Variants in SLC16A10 observed in about 807,000 individuals in gnomAD.
SLC16A10 encodes the protein monocarboxylate transporter 10.
In SLC16A10, 27 loss-of-function variants were observed where a neutral mutation model predicts 40.0. The ratio of observed to expected loss-of-function variants is 0.67; its 90% CI spans 0.50 to 0.93. The LOEUF is 0.93. Ranked by LOEUF, SLC16A10 falls within the 40% of genes least tolerant of loss-of-function variation. The probability of loss-of-function intolerance (pLI) is 0.00; values close to 1 mark genes in which losing one functional copy is unlikely to be tolerated. For missense variants in SLC16A10, 529 were observed against 658.2 expected (o/e 0.80, Z 2.15); for synonymous variants, 213 against 249.8 (o/e 0.85, Z 1.39).
At chr6:111,112,839 C>T (rs1771414088) in intron 1 of SLC16A10, among the ~76,000 whole-genome samples, 3 of 152,144 alleles carry the variant, frequency 2.0e-5, no homozygotes, top group South Asian at 4.1e-4. Context: ...ATTAGGATAA[C>T]TTGACAGGAA....
chr6:111,219,924 A>G (rs1459180894), intron 5 of SLC16A10, among the ~76,000 whole-genome samples: 1 of 151,894 alleles, frequency 6.6e-6, no homozygotes, highest in African/African-American at 2.4e-5. Context: ...TACTAAAAAT[A>G]AAAAAAATTA....
At chr6:111,111,567 TAAAAAA>T (rs1771386506) in intron 1 of SLC16A10, among the ~76,000 whole-genome samples, 1 of 152,264 alleles carries the variant, frequency 6.6e-6, no homozygotes, top group South Asian at 2.1e-4. Flanking sequence ...CAAAAAATAA[TAAAAAA>T]GAATGCAATA....
At chr6:111,203,719 CAAATAAATAAAT>C (rs60881476) in intron 3 of SLC16A10, among the ~76,000 whole-genome samples, 28 of 138,080 alleles carry the variant, frequency 2.0e-4, no homozygotes, top group African/African-American at 7.0e-4. Context: ...AACCCCATCT[CAAATAAATAAAT>C]AAATAAATAA....
intron 1 of SLC16A10, among the ~76,000 whole-genome samples, chr6:111,170,079 G>A (rs975052602): frequency 6.6e-6 from 1 of 151,758 alleles, no homozygotes; most frequent in African/African-American, 2.4e-5. Flanking sequence ...CAACACGGGC[G>A]GCTAATTTTT....
At chr6:111,202,884 CAAAAAAAAAAAAAAAAAAAAAAA>C (rs567667458) in intron 3 of SLC16A10, among the ~76,000 whole-genome samples, 7 of 86,310 alleles carry the variant, frequency 8.1e-5, no homozygotes, top group Admixed American at 2.6e-4. Flanking sequence ...GAGACTCCAT[CAAAAAAAAAAAAAAAAAAAAAAA>C]AAAAAAAAAA....
Position 111,225,120 on chromosome 6 carries a change from T to C in SLC16A10, c.*2885T>C, listed in dbSNP as rs1047424048. The C allele has an allele frequency of 1.3e-5, 2 of 152,214 alleles. No individual in the cohort carries two copies. Among genetic ancestry groups the C allele is most frequent in the Admixed American group, 6.5e-5 (1 of 15,276 alleles). 9.4% of individuals were successfully genotyped at this position (152,214 alleles called of 1,614,324 possible). On this transcript the variant is annotated 3_prime_UTR_variant, in exon 6 of 6. Transcript: ENST00000368851. ...ATGGATATTGCTGGGATCCATCCAT[T>C]TAAGCAGTAATATACCACCCAGATT...
chr6:111,206,107 C>T (rs1294846569), intron 3 of SLC16A10, among the ~76,000 whole-genome samples: 4 of 149,162 alleles, frequency 2.7e-5, no homozygotes, highest in African/African-American at 9.9e-5. Flanking sequence ...GAGACGGAGT[C>T]TTGCTCTGTC....
At chr6:111,091,813 T>A (rs1208740971) in intron 1 of SLC16A10, among the ~76,000 whole-genome samples, 2 of 152,244 alleles carry the variant, frequency 1.3e-5, no homozygotes, top group Admixed American at 1.3e-4. Context: ...CACATCTTAC[T>A]GTTAATTCTC....
At chr6:111,175,871 G>T (rs549897576) in intron 2 of SLC16A10, among the ~76,000 whole-genome samples, 38 of 151,448 alleles carry the variant, frequency 2.5e-4, no homozygotes, top group Non-Finnish European at 4.7e-4. Context: ...GCTAATTTCA[G>T]CTATTTTTTT....
intron 3 of SLC16A10, among the ~76,000 whole-genome samples, chr6:111,193,105 G>T (rs955539179): frequency 1.3e-5 from 2 of 152,050 alleles, no homozygotes; most frequent in African/African-American, 4.8e-5. Context: ...CTCCCACATG[G>T]CCTCCCAAAG....
chr6:111,103,424 G>A (rs1236292963), intron 1 of SLC16A10, among the ~76,000 whole-genome samples: 6 of 151,856 alleles, frequency 4.0e-5, no homozygotes, highest in Admixed American at 6.6e-5. Flanking sequence ...CACCATGTTG[G>A]TCAGGTGGGT....
At chr6:111,105,168 A>T (rs1164491746) in intron 1 of SLC16A10, among the ~76,000 whole-genome samples, 1 of 152,084 alleles carries the variant, frequency 6.6e-6, no homozygotes, top group African/African-American at 2.4e-5. Flanking sequence ...AGACCAAGAG[A>T]CTGTGAGAAT....
chr6:111,097,510 C>T (rs150744454), intron 1 of SLC16A10, among the ~76,000 whole-genome samples: 205 of 151,946 alleles, frequency 1.3e-3, no homozygotes, highest in Non-Finnish European at 2.2e-3. Context: ...GGTAGGGTTT[C>T]GCCATGTTGG....
At chr6:111,170,476 C>T (rs1772564726) in intron 1 of SLC16A10, among the ~76,000 whole-genome samples, 1 of 152,200 alleles carries the variant, frequency 6.6e-6, no homozygotes, top group Non-Finnish European at 1.5e-5. Flanking sequence ...GAGAAAGCGT[C>T]TCGCTCAGCT....
At chr6:111,193,501 A>G (rs1773030750) in intron 3 of SLC16A10, among the ~76,000 whole-genome samples, 1 of 152,204 alleles carries the variant, frequency 6.6e-6, no homozygotes, top group East Asian at 1.9e-4. Flanking sequence ...TCTTTTCAAA[A>G]TATAATATAC....
At chr6:111,173,928 A>T (rs1336406602) in intron 2 of SLC16A10, among the ~76,000 whole-genome samples, 1 of 152,220 alleles carries the variant, frequency 6.6e-6, no homozygotes, top group Non-Finnish European at 1.5e-5. Context: ...ATTCTTCCTG[A>T]AACTGGTCTC....
chr6:111,096,496 A>G (rs1771077131), intron 1 of SLC16A10, among the ~76,000 whole-genome samples: 1 of 152,192 alleles, frequency 6.6e-6, no homozygotes, highest in South Asian at 2.1e-4. Flanking sequence ...GACCCACCAC[A>G]TAAGACAGAT....
chr6:111,143,067 A>G (rs952110526), intron 1 of SLC16A10, among the ~76,000 whole-genome samples: 1 of 152,174 alleles, frequency 6.6e-6, no homozygotes, highest in Admixed American at 6.5e-5. Flanking sequence ...ATGAAAAGAC[A>G]TGGAGGAACC....
intron 3 of SLC16A10, among the ~76,000 whole-genome samples, chr6:111,181,785 C>T (rs1437362811): frequency 3.3e-5 from 5 of 152,102 alleles, no homozygotes; most frequent in African/African-American, 4.8e-5. Context: ...ATTGCCTCCT[C>T]GAAGCTAAAT....
Sources: gnomAD v4.1 joint callset for allele counts (sites outside exome capture counted in the v4.1 genomes callset) on GRCh38, gnomAD v4.1.1 for gene constraint, MANE v1.5 for transcripts, NCBI Gene and HGNC (gene_info 2026-07-23, HGNC 2026-07-21) for gene names.